The following NECTIN3 variants were observed in gnomAD, a reference collection of about 807,000 sequenced individuals.
NECTIN3 encodes nectin-3.
A neutral mutation model predicts 49.4 loss-of-function variants in NECTIN3; 8 were observed. That is an observed-to-expected ratio of 0.16 (90% CI 0.10 to 0.29). NECTIN3 has a LOEUF of 0.29. NECTIN3 is among the 10% of genes least tolerant of loss of function. NECTIN3 has a pLI of 1.00. For missense variants in NECTIN3, 581 were observed against 654.6 expected, an observed-to-expected ratio of 0.89 and a Z score of 1.23; for synonymous variants, 277 against 241.1, an observed-to-expected ratio of 1.15 and a Z score of -1.38.
At chr3:111,154,287 G>A (rs372383943) in intron 7 of NECTIN3, among the ~76,000 whole-genome samples, 6 of 151,958 alleles carry the variant, frequency 3.9e-5, no homozygotes, top group African/African-American at 1.2e-4. Context: ...TCTCTCTCTT[G>A]GTCTTTCTTC....
Position 111,106,809 on chromosome 3 carries a change from A to T in NECTIN3, c.161-5221A>T, listed in dbSNP as rs1229106492. On this transcript the variant is annotated intron_variant, in intron 1 of 5. Coordinates refer to ENST00000485303, the MANE Select transcript of NECTIN3 (RefSeq NM_015480.3). ...GATTTTCAAAGGTGGTGTTTAGTTG[A>T]ACACAGACTAAAATAAATGTTTCTT... is the stretch of plus-strand genomic sequence containing the variant. Among the ~76,000 whole-genome samples the T allele has an allele frequency of 3.3e-5, 5 of 152,184 alleles. No individual in the cohort carries two copies. The East Asian group carries it at 9.6e-4, about 29-fold the overall frequency.
chr3:111,187,147 A>G lies in NECTIN3; in HGVS notation c.1222-5204A>G, dbSNP rs115450720. ...TCTTAAAAAACTAAGCATATACCTC[A>G]CACCTGTAATCCCAACACTGTGGGA... On this transcript the variant is annotated intron_variant, in intron 7 of 8. Coordinates refer to the NECTIN3 transcript ENST00000493615. Among the ~76,000 whole-genome samples, 262 of 152,266 alleles carry G rather than the reference A, an allele frequency of 1.7e-3. 2 individuals carry two copies. The highest frequency in any genetic ancestry group is 6.0e-3 in the African/African-American group (248 of 41,536).
Position 111,171,978 on chromosome 3 carries a change from C to T in NECTIN3, c.1222-20373C>T, listed in dbSNP as rs948182062. On this transcript the variant is annotated intron_variant, in intron 7 of 8. Transcript: ENST00000493615. ...ATATTCTGCATCTTCTTGTTTTGAA[C>T]GATATGCAGATTCAACTAAAATGAT... 4.6e-5 allele frequency among the ~76,000 whole-genome samples: 7 copies of T among 152,218 alleles called. No homozygotes were observed. The East Asian group carries it at 7.7e-4, about 17-fold the overall frequency.
At chr3:111,186,812 T>C (rs769390401) in intron 7 of NECTIN3, among the ~76,000 whole-genome samples, 1 of 152,138 alleles carries the variant, frequency 6.6e-6, no homozygotes, top group Non-Finnish European at 1.5e-5. Context: ...ATATAGTACA[T>C]GTAAGTAGAG....
chr3:111,190,412 A>T (rs2035794527), upstream of NECTIN3, among the ~76,000 whole-genome samples: 1 of 152,222 alleles, frequency 6.6e-6, no homozygotes, highest in Non-Finnish European at 1.5e-5. Context: ...AGGTAGAGGG[A>T]TGGAGGAGGA....
chr3:111,121,004 T>TC (rs1458994746), intron 3 of NECTIN3, among the ~76,000 whole-genome samples: 36 of 144,432 alleles, frequency 2.5e-4, no homozygotes, highest in African/African-American at 7.9e-4. Flanking sequence ...TTTCTTTCTT[T>TC]TTTTTTTTTT....
At chr3:111,163,719 G>A (rs995156367) in intron 7 of NECTIN3, among the ~76,000 whole-genome samples, 1 of 152,078 alleles carries the variant, frequency 6.6e-6, no homozygotes, top group African/African-American at 2.4e-5. Context: ...AATTAATTAA[G>A]GAAGGCTATG....
At chr3:111,077,440 C>T (rs1398843212) in intron 1 of NECTIN3, among the ~76,000 whole-genome samples, 1 of 148,816 alleles carries the variant, frequency 6.7e-6, no homozygotes, top group African/African-American at 2.5e-5. Context: ...GGTTTTATCA[C>T]AAGAAATAAA....
At chr3:111,163,586 G>T (rs528049658) in intron 7 of NECTIN3, among the ~76,000 whole-genome samples, 3 of 152,160 alleles carry the variant, frequency 2.0e-5, no homozygotes, top group African/African-American at 7.2e-5. Context: ...TGCAAGGTTT[G>T]TAATGTCACT....
intron 7 of NECTIN3, among the ~76,000 whole-genome samples, chr3:111,148,697 C>G (rs58278944): frequency 0.081 from 12,287 of 151,976 alleles, 637 homozygotes; most frequent in South Asian, 0.13. Context: ...ATTAATAGTT[C>G]TGTAAATTAT....
In NECTIN3 at chr3:111,136,355, T is replaced by C. The variant is rs1024603786; in HGVS notation, c.*2140T>C. The C allele has an allele frequency of 3.0e-6, 3 of 984,766 alleles. No individual in the cohort carries two copies. Among genetic ancestry groups the C allele is most frequent in the Non-Finnish European group, 3.6e-6 (3 of 829,496 alleles). The allele number at this position is 984,766 out of a possible 1,614,324, so 61.0% of individuals were successfully genotyped here. On this transcript the variant is annotated 3_prime_UTR_variant, in exon 6 of 6. Transcript: ENST00000485303. ...GTGGTTATTTGTGCGATTAGGTTTT[T>C]TTGTTTGTTTCTTTTGTGTTTGTTT...
chr3:111,125,359 A>C (rs2034123535), intron 4 of NECTIN3, among the ~76,000 whole-genome samples: 1 of 151,942 alleles, frequency 6.6e-6, no homozygotes, highest in Admixed American at 6.6e-5. Context: ...AAAAACAAAC[A>C]AACAAAAACC....
At chr3:111,144,823 C>A in intron 5 of NECTIN3, 1 of 1,430,528 alleles carries the variant, frequency 7.0e-7, no homozygotes, top group Non-Finnish European at 9.4e-7. Context: ...ATAGTTTGCA[C>A]ATTGTAGAAA....
chr3:111,179,759 C>T (rs925680773), intron 7 of NECTIN3, among the ~76,000 whole-genome samples: 5 of 151,782 alleles, frequency 3.3e-5, no homozygotes, highest in African/African-American at 4.8e-5. Context: ...CTGAGTGTGG[C>T]GGCGGGACCT....
chr3:111,097,650 A>T (rs954228701), intron 1 of NECTIN3, among the ~76,000 whole-genome samples: 1 of 152,098 alleles, frequency 6.6e-6, no homozygotes, highest in Non-Finnish European at 1.5e-5. Flanking sequence ...ACAAGATCTG[A>T]TGGTTTTAAA....
In NECTIN3 at chr3:111,112,020, TC is replaced by T. The variant is rs771651217; in HGVS notation, c.161-8del. The T allele has an allele frequency of 1.9e-6, 3 of 1,565,000 alleles. No homozygotes were observed. The highest frequency in any genetic ancestry group is 2.6e-6 in the Non-Finnish European group (3 of 1,156,854). On this transcript the variant is annotated splice_polypyrimidine_tract_variant and intron_variant, in intron 1 of 5. Transcript: ENST00000485303. ...TTTTAAAAATTGTAGTACTTTTTTT[TC>T]CTCCATAGGTGCCTTAGCTGGACCA...
At chr3:111,123,287 T>G (rs1350297445) in intron 4 of NECTIN3, among the ~76,000 whole-genome samples, 1 of 152,158 alleles carries the variant, frequency 6.6e-6, no homozygotes, top group Non-Finnish European at 1.5e-5. Flanking sequence ...GATAGTTTTT[T>G]TCTGCTTTCT....
intron 7 of NECTIN3, among the ~76,000 whole-genome samples, chr3:111,163,634 A>G (rs2035262296): frequency 6.6e-6 from 1 of 152,200 alleles, no homozygotes; most frequent in African/African-American, 2.4e-5. Flanking sequence ...TTGGATTGTT[A>G]TATGTCATTG....
intron 7 of NECTIN3, among the ~76,000 whole-genome samples, chr3:111,167,325 G>A (rs1228644974): frequency 1.3e-5 from 2 of 152,128 alleles, no homozygotes; most frequent in African/African-American, 4.8e-5. Context: ...ACCTCAGAAA[G>A]CACATTATCT....
Sources: allele counts gnomAD v4.1 joint callset (sites outside exome capture counted in the v4.1 genomes callset), GRCh38; gene constraint gnomAD v4.1.1; transcripts MANE v1.5; gene names NCBI Gene and HGNC (gene_info 2026-07-23, HGNC 2026-07-21).